Variants in ABCC8 observed in about 807,000 individuals in gnomAD.
The protein encoded by ABCC8 is ATP binding cassette subfamily C member 8.
In ABCC8, 137 loss-of-function variants were observed where a neutral mutation model predicts 188.0. The ratio of observed to expected loss-of-function variants is 0.73; its 90% CI spans 0.63 to 0.84. ABCC8 has a LOEUF of 0.84. Among genes scored for constraint, ABCC8 ranks in the 40% least tolerant of loss-of-function variants. The pLI is 0.00. For synonymous variants in ABCC8, 797 were observed against 846.5 expected, an observed-to-expected ratio of 0.94 and a Z score of 1.01; for missense variants, 1,750 against 2,072.7, an observed-to-expected ratio of 0.84 and a Z score of 3.02.
intron 7 of ABCC8, 144 bp from the exon 8 acceptor site, chr11:17,448,815 C>T: frequency 7.5e-7 from 1 of 1,340,852 alleles, no homozygotes; most frequent in South Asian, 1.2e-5. Context: ...GGTACTGTAT[C>T]ACCGTTCCAA....
chr11:17,404,480 C>T lies in ABCC8; in HGVS notation c.3557+32G>A. On this transcript the variant is annotated intron_variant, in intron 28 of 38. Coordinates refer to ENST00000389817, the MANE Select transcript of ABCC8 (RefSeq NM_000352.6). The surrounding 1 kb of genome is among the most constrained non-coding windows in gnomAD (Gnocchi z 4.7). ...GTACACCAAACTGCACATTGCAAAG[C>T]ACCTCCCACCCCTCACCCCTGAGGC... is the stretch of plus-strand genomic sequence containing the variant. 1 of 1,593,914 alleles carries T rather than the reference C, an allele frequency of 6.3e-7. No homozygotes were observed. Among genetic ancestry groups the T allele is most frequent in the South Asian group, 1.1e-5 (1 of 90,636 alleles).
At chr11:17,407,191 G>T in intron 24 of ABCC8, 62 bp from the exon 25 acceptor site, 1 of 1,599,766 alleles carries the variant, frequency 6.3e-7, no homozygotes, top group African/African-American at 1.3e-5. Flanking sequence ...GGTGAATCAG[G>T]GCATTTTATC....
chr11:17,462,161 T>C (rs532244256), intron 4 of ABCC8, among the ~76,000 whole-genome samples: 44 of 152,312 alleles, frequency 2.9e-4, no homozygotes, highest in Non-Finnish European at 4.4e-4. Flanking sequence ...CATATACAGT[T>C]CACAGAACTC....
intron 18 of ABCC8, 21 bp from the exon 19 acceptor site, chr11:17,414,631 G>C: frequency 6.2e-7 from 1 of 1,614,002 alleles, no homozygotes; most frequent in Non-Finnish European, 8.5e-7. Context: ...CAGGGCGGGA[G>C]TAGGGGGTGC....
In ABCC8 at chr11:17,395,158, C is replaced by G. The variant is rs1230880108; in HGVS notation, c.4411+14G>C. On this transcript the variant is annotated intron_variant, in intron 36 of 38. Coordinates refer to ENST00000389817, the MANE Select transcript of ABCC8 (RefSeq NM_000352.6). ...GTGCCCAACCAACCCAGCTGCATAG[C>G]CAGGAGTAGTTACCGAGGCCTCCTG... The G allele has an allele frequency of 1.3e-6, 2 of 1,561,084 alleles. No homozygotes were observed. The highest frequency in any genetic ancestry group is 1.7e-6 in the Non-Finnish European group (2 of 1,151,264).
chr11:17,417,170 C>T (rs971999526), intron 16 of ABCC8: 2 of 716,546 alleles, frequency 2.8e-6, no homozygotes, highest in African/African-American at 1.9e-5. Context: ...CTCCAAATAG[C>T]ATGTGCTAAA....
chr11:17,440,433 C>G (rs952797066), intron 10 of ABCC8, among the ~76,000 whole-genome samples: 1 of 152,302 alleles, frequency 6.6e-6, no homozygotes, highest in African/African-American at 2.4e-5. Context: ...GGGACATTGG[C>G]TTTTCTGAGC....
rs775059899 is a variant in ABCC8, at chr11:17,448,507, A to G, written c.1332+9T>C. On this transcript the variant is annotated intron_variant, in intron 8 of 38. Coordinates refer to ENST00000389817, the MANE Select transcript of ABCC8 (RefSeq NM_000352.6). ...TGCCCCCCTCCCTTCCCCTCAGCCC[A>G]TCTAGTACCTGTACTGGCATAGCCC... 6 of 1,613,344 alleles carry G rather than the reference A, an allele frequency of 3.7e-6. No individual in the cohort carries two copies. The highest frequency in any genetic ancestry group is 4.2e-6 in the Non-Finnish European group (5 of 1,179,590).
chr11:17,470,363 C>T (rs1330660819), intron 2 of ABCC8, 141 bp from the exon 3 acceptor site: 41 of 1,446,212 alleles, frequency 2.8e-5, no homozygotes, highest in Admixed American at 9.8e-5. Flanking sequence ...AGTTAATGGG[C>T]GTATTTGGGG....
chr11:17,427,224 A>T lies in ABCC8; in HGVS notation c.2117-70T>A. On this transcript the variant is annotated intron_variant, in intron 15 of 38. Transcript: ENST00000389817. This position sits in a 1 kb window ranked among gnomAD's most constrained non-coding sequence, Gnocchi z 5.0. ...CTGAACAACCATTACCCAGAAAGAC[A>T]GACAGACAGATGCACCCAACCCTGG... The T allele has an allele frequency of 1.3e-6, 2 of 1,483,286 alleles. No individual in the cohort carries two copies. The highest frequency in any genetic ancestry group is 1.8e-6 in the Non-Finnish European group (2 of 1,113,584). The allele number at this position is 1,483,286 out of a possible 1,614,324, so 91.9% of individuals were successfully genotyped here.
Position 17,427,273 on chromosome 11 carries a change from C to T in ABCC8, c.2117-119G>A. The T allele has an allele frequency of 7.3e-7, 1 of 1,377,378 alleles. No homozygotes were observed. The allele number at this position is 1,377,378 out of a possible 1,614,324, so 85.3% of individuals were successfully genotyped here. On this transcript the variant is annotated intron_variant, in intron 15 of 38. Coordinates refer to ENST00000389817, the MANE Select transcript of ABCC8 (RefSeq NM_000352.6). This position sits in a 1 kb window ranked among gnomAD's most constrained non-coding sequence, Gnocchi z 5.0. ...GGGGCCCCTGTTTTCTTTCTTCCTA[C>T]CTAGAATCCCCAGCAAGTCCTCTCC...
At chr11:17,425,581 T>G (rs1955543595) in intron 16 of ABCC8, among the ~76,000 whole-genome samples, 1 of 152,236 alleles carries the variant, frequency 6.6e-6, no homozygotes, top group Admixed American at 6.5e-5. Context: ...CCAGGTTTTA[T>G]GTTGATGGCT....
chr11:17,463,569 T>C lies in ABCC8; in HGVS notation c.448A>G (p.Lys150Glu). ...AAGAACTTGACAAACTTGATGGTCTTGGTGATGAAGGCCAGGGTCCAATAC... is the reference window on the plus strand; with the variant it reads ...AAGAACTTGACAAACTTGATGGTCTCGGTGATGAAGGCCAGGGTCCAATAC... ...LVYWTLAFIT[K>E]TIKFVKFLDH... Residue 150 changes from lysine to glutamate, a missense_variant, in exon 4 of 39, where the codon AAG becomes GAG. Lys to Glu is a moderately conservative substitution (Grantham distance 56). Transcript: ENST00000389817. 1 of 1,591,722 alleles carries C rather than the reference T, an allele frequency of 6.3e-7. No individual in the cohort carries two copies. The highest frequency in any genetic ancestry group is 8.6e-7 in the Non-Finnish European group (1 of 1,168,900).
intron 14 of ABCC8, 109 bp downstream of exon 14, chr11:17,428,180 C>T: frequency 1.3e-6 from 2 of 1,571,752 alleles, no homozygotes; most frequent in East Asian, 2.2e-5. Context: ...TACAGGCAGG[C>T]AGGGTGACCT....
intron 7 of ABCC8, among the ~76,000 whole-genome samples, chr11:17,451,905 T>C (rs1480974778): frequency 1.3e-5 from 2 of 152,210 alleles, no homozygotes; most frequent in African/African-American, 2.4e-5. Flanking sequence ...CCTCCTCTTG[T>C]CCCTTCTTCT....
chr11:17,443,460 G>A (rs1956405625), intron 8 of ABCC8, 148 bp from the exon 9 acceptor site: 2 of 1,347,376 alleles, frequency 1.5e-6, no homozygotes, highest in Admixed American at 2.0e-5. Context: ...TGGAGTGCAG[G>A]GAAGGAGGAG....
intron 16 of ABCC8, among the ~76,000 whole-genome samples, chr11:17,420,184 C>T (rs1591778364): frequency 6.6e-6 from 1 of 152,320 alleles, no homozygotes; most frequent in East Asian, 1.9e-4. Flanking sequence ...ATTCATCCTG[C>T]CCAGACAGGC....
intron 28 of ABCC8, among the ~76,000 whole-genome samples, chr11:17,403,037 C>A (rs1374482507): frequency 6.6e-6 from 1 of 152,258 alleles, no homozygotes; most frequent in Admixed American, 6.5e-5. Flanking sequence ...TGTCCCTGTA[C>A]TTCTGCTGCA....
chr11:17,421,647 T>C (rs1955349124), intron 16 of ABCC8, among the ~76,000 whole-genome samples: 1 of 152,198 alleles, frequency 6.6e-6, no homozygotes, highest in African/African-American at 2.4e-5. Flanking sequence ...ATTTATAGGA[T>C]ATTTACTACA....
Sources: allele counts gnomAD v4.1 joint callset (sites outside exome capture counted in the v4.1 genomes callset), GRCh38; gene constraint gnomAD v4.1.1; non-coding constraint Gnocchi (gnomAD v3.1); transcripts MANE v1.5; gene names NCBI Gene and HGNC (gene_info 2026-07-23, HGNC 2026-07-21).